Variants in VPS33B observed in about 807,000 individuals in gnomAD.
VPS33B encodes the protein VPS33B late endosome and lysosome associated.
Under a neutral mutation model 95.3 loss-of-function variants are expected in VPS33B, and 80 were observed. The ratio of observed to expected loss-of-function variants is 0.84; its 90% confidence interval spans 0.70 to 1.01. The LOEUF (loss-of-function observed/expected upper bound fraction) is 1.01. Among genes scored for constraint, VPS33B ranks in the 50% least tolerant of loss-of-function variants. The pLI is 0.00. For missense variants in VPS33B, 715 were observed against 773.4 expected (o/e 0.92, Z 0.90); for synonymous variants, 280 against 280.4 (o/e 1.00, Z 0.01).
At position 91,002,569 on chromosome 15, in the gene VPS33B, G is replaced by A. The variant is rs1334095652; in HGVS notation, c.1273-387C>T. The stretch of plus-strand genomic sequence containing the variant: ...TGCTTGAACCTAGGAGGCAGAGGCT[G>A]CAGTGAGTGGAGATCGCGCCACTGC... On this transcript the variant is annotated intron_variant, in intron 17 of 22. Coordinates refer to ENST00000333371, the MANE Select transcript of VPS33B (RefSeq NM_018668.5). The surrounding 1 kb of genome is among the most constrained non-coding windows in gnomAD (Gnocchi z 4.7). Among the ~76,000 whole-genome samples the A allele has an allele frequency of 6.6e-6, 1 of 151,280 alleles. No individual in the cohort carries two copies. Among genetic ancestry groups the A allele is most frequent in the African/African-American group, 2.4e-5 (1 of 41,008 alleles).
chr15:91,017,365 T>TAAAA lies in VPS33B; in HGVS notation c.178-342_178-341insTTTT, dbSNP rs1272281030. ...TAACAAGACTCCATCTCTACAAAAT[T>TAAAA]AAATATATATATATATATATATATA... On this transcript the variant is annotated intron_variant, in intron 2 of 22. Coordinates refer to ENST00000333371, the MANE Select transcript of VPS33B (RefSeq NM_018668.5). Among the ~76,000 whole-genome samples, 46 of 17,002 alleles carry TAAAA rather than the reference T, an allele frequency of 2.7e-3. 9 individuals are homozygous for TAAAA. The highest frequency in any genetic ancestry group is 0.018 in the African/African-American group (42 of 2,314). 11.2% of individuals were successfully genotyped at this position (17,002 alleles called of 152,430 possible). A position where few individuals can be genotyped will look rare whatever the true frequency, so the allele number is the denominator to read the frequency against.
Position 91,000,129 on chromosome 15 carries a change from C to T in VPS33B, c.1582-154G>A, listed in dbSNP as rs2040393863. Among the ~76,000 whole-genome samples the T allele has an allele frequency of 6.6e-6, 1 of 152,182 alleles. No homozygotes were observed. Among genetic ancestry groups the T allele is most frequent in the Admixed American group, 6.5e-5 (1 of 15,276 alleles). Reference sequence around the variant, plus strand: ...GTGTGGTGGCTCACGCCTGTAATTCCAACACTTTAGGAGTTTGAGGCGGGG... The same window carrying T: ...GTGTGGTGGCTCACGCCTGTAATTCTAACACTTTAGGAGTTTGAGGCGGGG... On this transcript the variant is annotated intron_variant, in intron 20 of 22. Transcript: ENST00000333371. This position sits in a 1 kb window ranked among gnomAD's most constrained non-coding sequence, Gnocchi z 4.9.
Position 91,006,894 on chromosome 15 carries a change from C to T in VPS33B, c.700+56G>A. The T allele has an allele frequency of 6.2e-7, 1 of 1,610,276 alleles. No individual in the cohort carries two copies. Among genetic ancestry groups the T allele is most frequent in the Non-Finnish European group, 8.5e-7 (1 of 1,176,658 alleles). The stretch of plus-strand genomic sequence containing the variant: ...ATTTTAACTTTGCCACCACGCCTTC[C>T]ATATTCCCGTGTCTTCTAGGGCTGA... On this transcript the variant is annotated intron_variant, in intron 9 of 22. Transcript: ENST00000333371. This position sits in a 1 kb window ranked among gnomAD's most constrained non-coding sequence, Gnocchi z 5.4.
chr15:91,021,453 G>A (rs903107052), intron 1 of VPS33B, among the ~76,000 whole-genome samples: 4 of 152,148 alleles, frequency 2.6e-5, no homozygotes, highest in African/African-American at 9.7e-5. Context: ...CCAATTTTGT[G>A]TGGGCCTTTA....
At position 91,001,398 on chromosome 15, in the gene VPS33B, C is replaced by G; in HGVS notation, c.1470G>C (p.Lys490Asn). The change falls in exon 19 of 23, where the codon AAG becomes AAC. Residue 490 changes from lysine to asparagine, a missense_variant. Coordinates refer to ENST00000333371, the MANE Select transcript of VPS33B (RefSeq NM_018668.5). ...TCCCTGTTCCACATACCAAATTCAG[C>G]TTTTTGCTGATGGCACGAAAATTGC... is the stretch of plus-strand genomic sequence containing the variant. ...KRSNFRAISK[K>N]LNLIPRVDGE... 1.2e-6 allele frequency: 2 copies of G among 1,613,502 alleles called. No individual in the cohort carries two copies. Among genetic ancestry groups the G allele is most frequent in the Non-Finnish European group, 1.7e-6 (2 of 1,179,668 alleles).
intron 2 of VPS33B, among the ~76,000 whole-genome samples, chr15:91,017,390 AT>A (rs2040968686): frequency 6.6e-5 from 6 of 90,908 alleles, no homozygotes; most frequent in Non-Finnish European, 1.4e-4. Flanking sequence ...ATATATATAT[AT>A]ATATATATAT....
rs901458117 is a variant in VPS33B at position 91,006,503 on chromosome 15, C to T, written c.779-58G>A. ...CCAATGAGGACTTCTCCTACCATTCCCTGAACTGCCATAAAGGTCCTCAAA... is the reference window on the plus strand; with the variant it reads ...CCAATGAGGACTTCTCCTACCATTCTCTGAACTGCCATAAAGGTCCTCAAA... On this transcript the variant is annotated intron_variant, in intron 10 of 22. Coordinates refer to ENST00000333371, the MANE Select transcript of VPS33B (RefSeq NM_018668.5). The surrounding 1 kb of genome is among the most constrained non-coding windows in gnomAD (Gnocchi z 5.4). 6.2e-7 allele frequency: 1 copy of T among 1,612,180 alleles called. No individual in the cohort carries two copies. The highest frequency in any genetic ancestry group is 8.5e-7 in the Non-Finnish European group (1 of 1,178,418).
rs2040643173 is a variant in VPS33B at position 91,007,421 on chromosome 15, C to G, written c.603+48G>C. The G allele has an allele frequency of 6.4e-7, 1 of 1,573,168 alleles. No individual in the cohort carries two copies. The highest frequency in any genetic ancestry group is 1.1e-5 in the South Asian group (1 of 90,198). On this transcript the variant is annotated intron_variant, in intron 8 of 22. Coordinates refer to ENST00000333371, the MANE Select transcript of VPS33B (RefSeq NM_018668.5). This position sits in a 1 kb window ranked among gnomAD's most constrained non-coding sequence, Gnocchi z 5.3. The stretch of plus-strand genomic sequence containing the variant: ...TGGATAACCCCAGGAGGGTACAGAA[C>G]AGGGAAAACAGCGTCTGCTGGGACA...
Position 91,005,614 on chromosome 15 carries a change from C to G in VPS33B, c.1030+80G>C. On this transcript the variant is annotated intron_variant, in intron 13 of 22. Transcript: ENST00000333371. The surrounding 1 kb of genome is among the most constrained non-coding windows in gnomAD (Gnocchi z 6.4). ...TGCATCAGATGAACAGGGATCTCCTCCTCGGGAGTAATGGTCCTCTGGAGC... is the reference window on the plus strand; with the variant it reads ...TGCATCAGATGAACAGGGATCTCCTGCTCGGGAGTAATGGTCCTCTGGAGC... The G allele has an allele frequency of 6.3e-7, 1 of 1,589,090 alleles. No individual in the cohort carries two copies. Among genetic ancestry groups the G allele is most frequent in the Non-Finnish European group, 8.6e-7 (1 of 1,157,190 alleles).
Position 90,999,331 on chromosome 15 carries a change from C to A in VPS33B, c.1775-277G>T. On this transcript the variant is annotated intron_variant, in intron 22 of 22. Transcript: ENST00000333371. This position sits in a 1 kb window ranked among gnomAD's most constrained non-coding sequence, Gnocchi z 5.1. ...GACACTTTGCGTGTTTTTTTTTTTT[C>A]TCTTGAGATGGAGTTTTGCTATTGT... 1 of 468,530 alleles carries A rather than the reference C, an allele frequency of 2.1e-6. No individual in the cohort carries two copies. The highest frequency in any genetic ancestry group is 4.5e-5 in the East Asian group (1 of 22,438). The allele number at this position is 468,530 out of a possible 1,614,324, so 29.0% of individuals were successfully genotyped here.
Position 91,007,071 on chromosome 15 carries a change from GTCTTGT to G in VPS33B, c.604-31_604-26del, listed in dbSNP as rs1305304718. 1 of 1,605,730 alleles carries G rather than the reference GTCTTGT, an allele frequency of 6.2e-7. No homozygotes were observed. The highest frequency in any genetic ancestry group is 8.5e-7 in the Non-Finnish European group (1 of 1,179,794). Reference sequence around the variant, plus strand: ...TCTGCCAGGGCCCAAGACATTCTCAGTCTTGTGTCCAGGTCCCTACTGCAGCCCCAT... The same window carrying G: ...TCTGCCAGGGCCCAAGACATTCTCAGGTCCAGGTCCCTACTGCAGCCCCAT... On this transcript the variant is annotated intron_variant, in intron 8 of 22. Transcript: ENST00000333371. This position sits in a 1 kb window ranked among gnomAD's most constrained non-coding sequence, Gnocchi z 5.3.
In VPS33B at chr15:91,013,988, C is replaced by A. The variant is rs1320965556; in HGVS notation, c.290-117G>T. On this transcript the variant is annotated intron_variant, in intron 4 of 22. Transcript: ENST00000333371. This position sits in a 1 kb window ranked among gnomAD's most constrained non-coding sequence, Gnocchi z 4.5. ...AATCCCAGCACTTGGGAGGCTGAGG[C>A]GGGTGGATCACCTGAGGTCAGGAGT... is the stretch of plus-strand genomic sequence containing the variant. 5 of 1,253,132 alleles carry A rather than the reference C, an allele frequency of 4.0e-6. No individual in the cohort carries two copies. The highest frequency in any genetic ancestry group is 5.8e-6 in the Non-Finnish European group (5 of 859,956). 77.6% of individuals were successfully genotyped at this position (1,253,132 alleles called of 1,614,324 possible).
In VPS33B at chr15:91,009,292, TTC is replaced by T. The variant is rs35501255; in HGVS notation, c.403+507_403+508del. On this transcript the variant is annotated intron_variant, in intron 6 of 22. Coordinates refer to ENST00000333371, the MANE Select transcript of VPS33B (RefSeq NM_018668.5). The surrounding 1 kb of genome is among the most constrained non-coding windows in gnomAD (Gnocchi z 4.1). ...CTTTCTCTCTTTTCTTTTATTTTCT[TTC>T]TCTCTCTCTTTCTTTCTTCCTTCCT... Among the ~76,000 whole-genome samples the T allele has an allele frequency of 7.3e-5, 8 of 109,572 alleles. No individual in the cohort carries two copies. Among genetic ancestry groups the T allele is most frequent in the African/African-American group, 4.6e-4 (8 of 17,446 alleles). The allele number at this position is 109,572 out of a possible 152,430, so 71.9% of individuals were successfully genotyped here.
Position 91,005,371 on chromosome 15 carries a change from G to C in VPS33B, c.1105+9C>G, listed in dbSNP as rs3826033. On this transcript the variant is annotated intron_variant, in intron 14 of 22. Coordinates refer to ENST00000333371, the MANE Select transcript of VPS33B (RefSeq NM_018668.5). The surrounding 1 kb of genome is among the most constrained non-coding windows in gnomAD (Gnocchi z 6.4). ...GTGGGCAGTAGCACAGCAAGGCTGC[G>C]GCAGTTACCATGCTCAGTCTTGATT... The C allele has an allele frequency of 5.0e-6, 8 of 1,613,904 alleles. No homozygotes were observed. The highest frequency in any genetic ancestry group is 2.2e-5 in the East Asian group (1 of 44,862).
At position 91,009,649 on chromosome 15, in the gene VPS33B, T is replaced by A; in HGVS notation, c.403+152A>T. 1 of 822,090 alleles carries A rather than the reference T, an allele frequency of 1.2e-6. No homozygotes were observed. The highest frequency in any genetic ancestry group is 2.8e-5 in the East Asian group (1 of 35,666). 50.9% of individuals were successfully genotyped at this position (822,090 alleles called of 1,614,324 possible). ...CGTGGTCCTATTCCCATTCCCATTC[T>A]CAGGAACCTCTCCTCCTGCTACACT... On this transcript the variant is annotated intron_variant, in intron 6 of 22. Transcript: ENST00000333371. The surrounding 1 kb of genome is among the most constrained non-coding windows in gnomAD (Gnocchi z 4.1).
Position 91,003,305 on chromosome 15 carries a change from G to A in VPS33B, c.1226-174C>T, listed in dbSNP as rs111536360. 9.1e-3 allele frequency among the ~76,000 whole-genome samples: 1,389 copies of A among 152,308 alleles called. 23 individuals are homozygous for A. Among genetic ancestry groups the A allele is most frequent in the African/African-American group, 0.032 (1,326 of 41,558 alleles). ...TTAAGCTTGCTTATTGAAAGATAAA[G>A]CCTTGGTCTGGGAGCTCCCAAGAAG... is the stretch of plus-strand genomic sequence containing the variant. On this transcript the variant is annotated intron_variant, in intron 16 of 22. Coordinates refer to ENST00000333371, the MANE Select transcript of VPS33B (RefSeq NM_018668.5).
rs184389304 is a variant in VPS33B at position 91,020,094 on chromosome 15, C to T, written c.96+2060G>A. ...TGCTGGGATTACAGGCATGAGCCAC[C>T]GCACCCAGCCTAATATTTTTTTTAA... On this transcript the variant is annotated intron_variant, in intron 1 of 22. Transcript: ENST00000333371. 5.8e-4 allele frequency among the ~76,000 whole-genome samples: 89 copies of T among 152,168 alleles called. 3 individuals carry two copies. The East Asian group carries it at 0.014, about 24-fold the overall frequency.
chr15:91,018,644 A>G lies in VPS33B; in HGVS notation c.97-759T>C, dbSNP rs1268399282. Among the ~76,000 whole-genome samples, 2 of 152,206 alleles carry G rather than the reference A, an allele frequency of 1.3e-5. No individual in the cohort carries two copies. The highest frequency in any genetic ancestry group is 2.9e-5 in the Non-Finnish European group (2 of 68,022). ...GCAATGTCCAGACACATTTTTGGTT[A>G]TCTGACTCAGGGTAGGGGTTTTACT... On this transcript the variant is annotated intron_variant, in intron 1 of 22. Coordinates refer to ENST00000333371, the MANE Select transcript of VPS33B (RefSeq NM_018668.5). The surrounding 1 kb of genome is among the most constrained non-coding windows in gnomAD (Gnocchi z 4.7).
At position 91,000,052 on chromosome 15, in the gene VPS33B, T is replaced by C. The variant is rs553854657; in HGVS notation, c.1582-77A>G. On this transcript the variant is annotated intron_variant, in intron 20 of 22. Coordinates refer to ENST00000333371, the MANE Select transcript of VPS33B (RefSeq NM_018668.5). The surrounding 1 kb of genome is among the most constrained non-coding windows in gnomAD (Gnocchi z 4.9). ...GAAAGGAAGGGCACAGCAGCCAGAC[T>C]GTCACATTTCTTGCTCATTACTCAA... is the stretch of plus-strand genomic sequence containing the variant. The C allele has an allele frequency of 3.9e-4, 495 of 1,277,800 alleles. 1 individual carries two copies. Among genetic ancestry groups the C allele is most frequent in the Non-Finnish European group, 4.3e-4 (427 of 987,138 alleles). 79.2% of individuals were successfully genotyped at this position (1,277,800 alleles called of 1,614,324 possible).
Sources: gnomAD v4.1 joint callset for allele counts (sites outside exome capture counted in the v4.1 genomes callset) on GRCh38, gnomAD v4.1.1 for gene constraint, Gnocchi (gnomAD v3.1) non-coding constraint, MANE v1.5 for transcripts, NCBI Gene and HGNC (gene_info 2026-07-23, HGNC 2026-07-21) for gene names.